TGM3: variants seen among roughly 807,000 people sequenced by gnomAD.
TGM3 encodes the protein transglutaminase 3.
TGM3 carries 52 observed loss-of-function variants against 73.8 expected under a neutral mutation model. That is an observed-to-expected ratio of 0.70 (90% CI 0.56 to 0.89). TGM3 has a LOEUF of 0.89. Ranked by LOEUF, TGM3 falls within the 40% of genes least tolerant of loss-of-function variation. The pLI is 0.00. For synonymous variants in TGM3, 372 were observed against 354.9 expected (o/e 1.05, Z -0.54); for missense variants, 928 against 909.9 (o/e 1.02, Z -0.26).
chr20:2,297,060 A>G (rs2084112582), intron 1 of TGM3, among the ~76,000 whole-genome samples: 1 of 152,228 alleles, frequency 6.6e-6, no homozygotes. Context: ...TGTAATGTAC[A>G]GCATGGCTGG....
chr20:2,310,466 GA>G, intron 3 of TGM3, 49 bp downstream of exon 3: 1 of 1,589,776 alleles, frequency 6.3e-7, no homozygotes, highest in Non-Finnish European at 8.6e-7. Context: ...AGCTAGAAAA[GA>G]AAAAGGGGAT....
chr20:2,307,321 G>A (rs2084181178), intron 1 of TGM3, among the ~76,000 whole-genome samples: 2 of 151,964 alleles, frequency 1.3e-5, no homozygotes, highest in Admixed American at 1.3e-4. Flanking sequence ...CAGTGCTCTT[G>A]AGTGGAAGCC....
Position 2,328,536 on chromosome 20 carries a change from A to T in TGM3, c.1333+171A>T, listed in dbSNP as rs1278504602. Among the ~76,000 whole-genome samples the T allele has an allele frequency of 6.6e-6, 1 of 152,184 alleles. No individual in the cohort carries two copies. The highest frequency in any genetic ancestry group is 2.4e-5 in the African/African-American group (1 of 41,454). On this transcript the variant is annotated intron_variant, in intron 9 of 12. Transcript: ENST00000381458. This position sits in a 1 kb window ranked among gnomAD's most constrained non-coding sequence, Gnocchi z 5.2. The stretch of plus-strand genomic sequence containing the variant: ...ATCCACCTCCCAGGACTGTTTCCGG[A>T]GGGAACAAAACCATCACGGGCAGCT...
intron 1 of TGM3, among the ~76,000 whole-genome samples, chr20:2,299,744 C>T (rs554106667): frequency 2.0e-5 from 3 of 152,170 alleles, no homozygotes; most frequent in South Asian, 2.1e-4. Flanking sequence ...AGATGATAAA[C>T]GGGCCTAAGG....
chr20:2,329,645 T>C (rs214821), intron 9 of TGM3, among the ~76,000 whole-genome samples: 150,925 of 152,096 alleles, frequency 0.99, 74,887 homozygotes, highest in East Asian at 1. Flanking sequence ...GCATAGGGGG[T>C]CAGGGAGCAA....
At chr20:2,339,135 C>T (rs1270147623) in intron 11 of TGM3, among the ~76,000 whole-genome samples, 1 of 152,216 alleles carries the variant, frequency 6.6e-6, no homozygotes, top group Non-Finnish European at 1.5e-5. Context: ...ACTGGGGTGT[C>T]AGCAGAGGAG....
intron 1 of TGM3, among the ~76,000 whole-genome samples, chr20:2,297,718 G>C (rs1336785492): frequency 6.6e-6 from 1 of 152,160 alleles, no homozygotes; most frequent in African/African-American, 2.4e-5. Flanking sequence ...GCAGTTCCCA[G>C]CTCAGCTCCG....
At chr20:2,305,161 T>A (rs1224959084) in intron 1 of TGM3, among the ~76,000 whole-genome samples, 3 of 152,122 alleles carry the variant, frequency 2.0e-5, no homozygotes, top group Non-Finnish European at 4.4e-5. Context: ...ATTCATTAAG[T>A]CATCAGTCAT....
At chr20:2,304,026 C>T (rs549802589) in intron 1 of TGM3, among the ~76,000 whole-genome samples, 12 of 152,308 alleles carry the variant, frequency 7.9e-5, no homozygotes, top group East Asian at 5.8e-4. Flanking sequence ...AAGAATCATG[C>T]GACTCCTGTC....
rs1319151096 is a variant in TGM3 at position 2,310,166 on chromosome 20, C to G, written c.182-12C>G. 1.2e-5 allele frequency: 20 copies of G among 1,613,876 alleles called. No homozygotes were observed. Among genetic ancestry groups the G allele is most frequent in the Non-Finnish European group, 1.6e-5 (19 of 1,179,864 alleles). On this transcript the variant is annotated splice_polypyrimidine_tract_variant and intron_variant, in intron 2 of 12. Coordinates refer to ENST00000381458, the MANE Select transcript of TGM3 (RefSeq NM_003245.4). ...GCTTGTTGGTTTTCTCAACCTCTGT[C>G]TTCTTTGACAGGGCCTTACCCCTCA...
At position 2,317,445 on chromosome 20, in the gene TGM3, C is replaced by T; in HGVS notation, c.943C>T (p.Pro315Ser). ...TCTCAGTGTGGATGTGTACTACGAC[C>T]CCATGGGAAACCCCCTGGACAAGGG... ...RNLSVDVYYD[P>S]MGNPLDKGSD... Residue 315 changes from proline to serine, a missense_variant, in exon 7 of 13, where the codon CCC becomes TCC. By Grantham distance (74) the Pro-to-Ser change is moderately conservative (BLOSUM62 -1). Coordinates refer to ENST00000381458, the MANE Select transcript of TGM3 (RefSeq NM_003245.4). 1.2e-6 allele frequency: 2 copies of T among 1,614,228 alleles called. No individual in the cohort carries two copies. Among genetic ancestry groups the T allele is most frequent in the Non-Finnish European group, 1.7e-6 (2 of 1,180,044 alleles).
chr20:2,326,097 C>G, intron 8 of TGM3, 145 bp downstream of exon 8: 2 of 822,546 alleles, frequency 2.4e-6, no homozygotes, highest in South Asian at 3.5e-5. Context: ...AATAGATCTC[C>G]CCTGCTAATT....
intron 1 of TGM3, among the ~76,000 whole-genome samples, chr20:2,307,113 C>A (rs1270882229): frequency 1.3e-5 from 2 of 152,138 alleles, no homozygotes; most frequent in African/African-American, 4.8e-5. Context: ...TGTGCAAAAA[C>A]CTATTAATTT....
rs573673057 is a variant in TGM3, at chr20:2,304,642, A to AT, written c.8-5009dup. ...TAAGTCCTGGTGAAAAGGAAACACC[A>AT]TTTTTTCTTCCAGACTACTCTTAAT... On this transcript the variant is annotated intron_variant, in intron 1 of 12. Coordinates refer to ENST00000381458, the MANE Select transcript of TGM3 (RefSeq NM_003245.4). Among the ~76,000 whole-genome samples, 308 of 152,122 alleles carry AT rather than the reference A, an allele frequency of 2.0e-3. 1 individual carries two copies. The highest frequency in any genetic ancestry group is 7.1e-3 in the African/African-American group (294 of 41,480).
chr20:2,320,828 C>A (rs771044826), intron 7 of TGM3, among the ~76,000 whole-genome samples: 5 of 152,178 alleles, frequency 3.3e-5, no homozygotes, highest in Non-Finnish European at 7.3e-5. Flanking sequence ...ACAGTTTAGC[C>A]AAAGTTATCT....
At chr20:2,303,042 G>C (rs1315494647) in intron 1 of TGM3, among the ~76,000 whole-genome samples, 1 of 152,180 alleles carries the variant, frequency 6.6e-6, no homozygotes, top group African/African-American at 2.4e-5. Context: ...GCTCACGACT[G>C]TAATCCCAGC....
chr20:2,325,644 G>A lies in TGM3; in HGVS notation c.984-205G>A, dbSNP rs530421568. On this transcript the variant is annotated intron_variant, in intron 7 of 12. Transcript: ENST00000381458. ...GCCCAAGTTTCCCTTTTTATAAAACGGGCATAAAAATGGTACCTATTGCAC... is the reference window on the plus strand; with the variant it reads ...GCCCAAGTTTCCCTTTTTATAAAACAGGCATAAAAATGGTACCTATTGCAC... 5.3e-5 allele frequency among the ~76,000 whole-genome samples: 8 copies of A among 152,266 alleles called. No individual in the cohort carries two copies. The East Asian group carries it at 1.2e-3, about 22-fold the overall frequency.
At position 2,308,851 on chromosome 20, in the gene TGM3, G is replaced by C. The variant is rs530942561; in HGVS notation, c.8-806G>C. On this transcript the variant is annotated intron_variant, in intron 1 of 12. Coordinates refer to ENST00000381458, the MANE Select transcript of TGM3 (RefSeq NM_003245.4). ...CAAAGAAGCCAAACCACGGTGATGG[G>C]GGTGAGAGAGGTATCCTCCCTTCAG... Among the ~76,000 whole-genome samples the C allele has an allele frequency of 2.0e-5, 3 of 151,410 alleles. No homozygotes were observed. The East Asian group carries it at 5.9e-4, about 30-fold the overall frequency.
rs368609400 is a variant in TGM3, at chr20:2,312,848, A to G, written c.541-50A>G. The G allele has an allele frequency of 5.6e-6, 9 of 1,607,622 alleles. No homozygotes were observed. The African/African-American group carries it at 9.4e-5, about 17-fold the overall frequency. ...CCAGTGCAGTTCCCTTCTTGAGCCA[A>G]CTCTCCTTGTCATTTCTTTAATTGT... On this transcript the variant is annotated intron_variant, in intron 4 of 12. Coordinates refer to ENST00000381458, the MANE Select transcript of TGM3 (RefSeq NM_003245.4).
Sources: gnomAD v4.1 joint callset for allele counts (sites outside exome capture counted in the v4.1 genomes callset) on GRCh38, gnomAD v4.1.1 for gene constraint, Gnocchi (gnomAD v3.1) non-coding constraint, MANE v1.5 for transcripts, NCBI Gene and HGNC (gene_info 2026-07-23, HGNC 2026-07-21) for gene names.